Variants in OSBPL9 observed in about 807,000 individuals in gnomAD.
The protein encoded by OSBPL9 is oxysterol binding protein like 9, also known as oxysterol-binding protein-related protein 9.
Under a neutral mutation model 106.6 loss-of-function variants are expected in OSBPL9, and 40 were observed. The observed-to-expected ratio is 0.38, with a 90% CI of 0.29 to 0.49. The LOEUF is 0.49. Among genes scored for constraint, OSBPL9 ranks in the 20% least tolerant of loss-of-function variants. OSBPL9 has a pLI of 0.97. For missense variants in OSBPL9, 609 were observed against 887.2 expected (o/e 0.69, Z 3.98); for synonymous variants, 269 against 295.4 (o/e 0.91, Z 0.92).
rs538279923 is a variant in OSBPL9 at position 51,646,586 on chromosome 1, C to T, written c.112-5405C>T. On this transcript the variant is annotated intron_variant, in intron 1 of 23. Transcript: ENST00000428468. ...TGAGACGGAGTTTTGCTCCATTGCC[C>T]AGGCTGGAGTGCAGTGGCACAATCT... Among the ~76,000 whole-genome samples the T allele has an allele frequency of 3.9e-5, 6 of 152,226 alleles. No homozygotes were observed. The South Asian group carries it at 1.2e-3, about 32-fold the overall frequency.
intron 4 of OSBPL9, among the ~76,000 whole-genome samples, chr1:51,724,057 G>A (rs1458383231): frequency 6.6e-6 from 1 of 151,988 alleles, no homozygotes; most frequent in Non-Finnish European, 1.5e-5. Context: ...AGCGATTCTT[G>A]TGCCTTGGCC....
rs141555683 is a variant in OSBPL9 at position 51,683,154 on chromosome 1, C to T, written c.241+13642C>T. On this transcript the variant is annotated intron_variant, in intron 3 of 23. Coordinates refer to ENST00000428468, the MANE Select transcript of OSBPL9 (RefSeq NM_024586.6). The stretch of plus-strand genomic sequence containing the variant: ...CCTCCCAAAGTGCTGGGACTACAGG[C>T]GTGAACCACCATGCCCAGTTGAGAC... Among the ~76,000 whole-genome samples, 215 of 151,900 alleles carry T rather than the reference C, an allele frequency of 1.4e-3. 5 individuals carry two copies. In the East Asian group the frequency reaches 0.032, roughly 22 times the overall value.
upstream of OSBPL9, among the ~76,000 whole-genome samples, chr1:51,616,720 A>G (rs189225601): frequency 4.7e-4 from 71 of 152,336 alleles, 3 homozygotes; most frequent in South Asian, 0.012. Flanking sequence ...CCTAGCACAA[A>G]ACAGCGAATA....
At chr1:51,656,348 A>G (rs182049891) in intron 2 of OSBPL9, among the ~76,000 whole-genome samples, 5 of 152,294 alleles carry the variant, frequency 3.3e-5, no homozygotes, top group African/African-American at 1.2e-4. Context: ...AATGAGCTTA[A>G]TGAGCTATCA....
chr1:51,609,209 C>A (rs912487751), intron 2 of OSBPL9, among the ~76,000 whole-genome samples: 2 of 152,030 alleles, frequency 1.3e-5, no homozygotes, highest in Non-Finnish European at 2.9e-5. Flanking sequence ...GATTCTTAAT[C>A]TTTTTTCCTG....
chr1:51,578,904 C>T (rs1645202810), intron 1 of OSBPL9, among the ~76,000 whole-genome samples: 1 of 152,104 alleles, frequency 6.6e-6, no homozygotes, highest in Non-Finnish European at 1.5e-5. Flanking sequence ...ACTGACTGCT[C>T]CTCAGGGTCA....
chr1:51,724,728 A>T (rs1484137532), intron 4 of OSBPL9: 1 of 153,016 alleles, frequency 6.5e-6, no homozygotes, highest in Non-Finnish European at 1.4e-5. Context: ...TTTGAAAATT[A>T]TATGCCTAGC....
At chr1:51,607,612 A>G (rs1643958156) in intron 2 of OSBPL9, among the ~76,000 whole-genome samples, 1 of 152,170 alleles carries the variant, frequency 6.6e-6, no homozygotes, top group Non-Finnish European at 1.5e-5. Flanking sequence ...CTTTAACCTC[A>G]AAGGAGATCC....
chr1:51,709,869 A>G (rs1458494680), intron 3 of OSBPL9: 1 of 152,308 alleles, frequency 6.6e-6, no homozygotes, highest in Non-Finnish European at 1.5e-5. Flanking sequence ...GCCTCCTTCA[A>G]GGATGCATGG....
intron 1 of OSBPL9, among the ~76,000 whole-genome samples, chr1:51,620,232 A>T (rs1464546650): frequency 6.6e-6 from 1 of 152,192 alleles, no homozygotes; most frequent in Non-Finnish European, 1.5e-5. Flanking sequence ...ACAAAAGAAG[A>T]TATGGAAGGA....
Position 51,789,081 on chromosome 1 carries a change from A to AGTC in OSBPL9, c.*1293_*1295dup. ...CTCCTACAGTAACCCTGGGTTTATTAGTCTCAACAAAGGATAAAAAGTAAA... is the reference window on the plus strand; with the variant it reads ...CTCCTACAGTAACCCTGGGTTTATTAGTCGTCTCAACAAAGGATAAAAAGTAAA... On this transcript the variant is annotated 3_prime_UTR_variant, in exon 24 of 24. Transcript: ENST00000428468. 2.7e-6 allele frequency: 2 copies of AGTC among 735,924 alleles called. No individual in the cohort carries two copies. Among genetic ancestry groups the AGTC allele is most frequent in the East Asian group, 2.7e-5 (1 of 37,126 alleles). 45.6% of individuals were successfully genotyped at this position (735,924 alleles called of 1,614,324 possible). A position where few individuals can be genotyped will look rare whatever the true frequency, so the allele number is the denominator to read the frequency against.
At chr1:51,520,314 C>A in the OSBPL9 span, among the ~76,000 whole-genome samples, 1 of 152,236 alleles carries the variant, frequency 6.6e-6, no homozygotes, top group African/African-American at 2.4e-5. Flanking sequence ...TGCCAACCTT[C>A]AGTTGGAATA....
chr1:51,786,199 T>G (rs1388313675), intron 21 of OSBPL9: 2 of 443,128 alleles, frequency 4.5e-6, no homozygotes, highest in African/African-American at 4.1e-5. Flanking sequence ...GTTAGGTATG[T>G]GGCGTATGTT....
At chr1:51,644,419 C>T (rs369804311) in intron 1 of OSBPL9, among the ~76,000 whole-genome samples, 62 of 152,020 alleles carry the variant, frequency 4.1e-4, no homozygotes, top group African/African-American at 1.4e-3. Flanking sequence ...CTCTGTCTCC[C>T]AGGTTCAAGC....
intron 1 of OSBPL9, among the ~76,000 whole-genome samples, chr1:51,581,401 G>A (rs1046204768): frequency 2.0e-5 from 3 of 152,228 alleles, no homozygotes; most frequent in African/African-American, 7.2e-5. Context: ...TGACTGAGGC[G>A]GTATGTATCA....
chr1:51,590,041 A>G (rs1293763068), intron 1 of OSBPL9, among the ~76,000 whole-genome samples: 1 of 151,438 alleles, frequency 6.6e-6, no homozygotes, highest in Non-Finnish European at 1.5e-5. Context: ...TCAAAAAAAA[A>G]AAAAAAAAAA....
chr1:51,597,403 A>ATC (rs1553149013), intron 1 of OSBPL9, among the ~76,000 whole-genome samples: 1 of 137,582 alleles, frequency 7.3e-6, no homozygotes, highest in Non-Finnish European at 1.5e-5. Context: ...TATGGAATAT[A>ATC]TGTGTGTATA....
intron 3 of OSBPL9, among the ~76,000 whole-genome samples, chr1:51,696,770 C>T (rs1161978358): frequency 6.6e-6 from 1 of 152,154 alleles, no homozygotes; most frequent in Non-Finnish European, 1.5e-5. Flanking sequence ...CTAAATAAAA[C>T]TAACTTTAAT....
intron 4 of OSBPL9, among the ~76,000 whole-genome samples, chr1:51,721,070 A>T (rs867131001): frequency 6.6e-6 from 1 of 151,910 alleles, no homozygotes; most frequent in African/African-American, 2.4e-5. Context: ...AAGTGCTGGG[A>T]TTAGAGGCAT....
Sources: allele counts gnomAD v4.1 joint callset (sites outside exome capture counted in the v4.1 genomes callset), GRCh38; gene constraint gnomAD v4.1.1; transcripts MANE v1.5; gene names NCBI Gene and HGNC (gene_info 2026-07-23, HGNC 2026-07-21).